TTYH2: variants seen among roughly 807,000 people sequenced by gnomAD.
TTYH2 encodes protein tweety homolog 2.
Under a neutral mutation model 68.3 loss-of-function variants are expected in TTYH2, and 49 were observed. The ratio of observed to expected loss-of-function variants is 0.72; its 90% CI spans 0.57 to 0.91. The LOEUF is 0.91. Ranked by LOEUF, TTYH2 falls within the 40% of genes least tolerant of loss-of-function variation. TTYH2 has a pLI of 0.00. For missense variants in TTYH2, 631 were observed against 700.4 expected (o/e 0.90, Z 1.12); for synonymous variants, 272 against 300.8 (o/e 0.90, Z 0.99).
intron 2 of TTYH2, among the ~76,000 whole-genome samples, chr17:74,229,031 A>G (rs2050360494): frequency 6.6e-6 from 1 of 152,152 alleles, no homozygotes; most frequent in African/African-American, 2.4e-5. Context: ...TAGAAGACAA[A>G]TGAAGATCCA....
rs1280553458 is a variant in TTYH2, at chr17:74,217,050, C to T, written c.129+3334C>T. On this transcript the variant is annotated intron_variant, in intron 1 of 13. Coordinates refer to ENST00000269346, the MANE Select transcript of TTYH2 (RefSeq NM_032646.6). This position sits in a 1 kb window ranked among gnomAD's most constrained non-coding sequence, Gnocchi z 4.0. ...CCTGGCACTGAATCCAGCAATGTCT[C>T]TCTGAGCAAATGAACGAGGCACTTC... 4.6e-5 allele frequency among the ~76,000 whole-genome samples: 7 copies of T among 152,244 alleles called. No homozygotes were observed. The highest frequency in any genetic ancestry group is 1.0e-4 in the Non-Finnish European group (7 of 68,052).
intron 6 of TTYH2, among the ~76,000 whole-genome samples, chr17:74,244,884 T>TTTG (rs2050540932): frequency 8.3e-6 from 1 of 120,962 alleles, no homozygotes; most frequent in Non-Finnish European, 1.7e-5. Flanking sequence ...GTGTGTGTGT[T>TTTG]TGTGTGTGTG....
intron 2 of TTYH2, among the ~76,000 whole-genome samples, chr17:74,230,268 T>A (rs576755941): frequency 2.6e-5 from 4 of 151,836 alleles, no homozygotes; most frequent in South Asian, 2.1e-4. Flanking sequence ...TTTTTTTTTT[T>A]AATTTTTGCA....
chr17:74,240,471 G>A (rs2050487986), intron 4 of TTYH2, among the ~76,000 whole-genome samples: 1 of 151,404 alleles, frequency 6.6e-6, no homozygotes, highest in African/African-American at 2.4e-5. Flanking sequence ...TCTAGTCCAA[G>A]GTTGGCACCT....
chr17:74,219,860 G>C (rs1382700967), intron 1 of TTYH2, among the ~76,000 whole-genome samples: 1 of 152,138 alleles, frequency 6.6e-6, no homozygotes, highest in East Asian at 1.9e-4. Context: ...ACTGCTGTGT[G>C]AAGCTGCTGT....
At chr17:74,254,983 C>T (rs773303405) in intron 13 of TTYH2, among the ~76,000 whole-genome samples, 1 of 152,144 alleles carries the variant, frequency 6.6e-6, no homozygotes, top group East Asian at 1.9e-4. Context: ...CACCCCACCA[C>T]CTCCAGCCAG....
chr17:74,260,716 C>G lies in TTYH2; in HGVS notation c.*507C>G, dbSNP rs534688144. 1 of 164,120 alleles carries G rather than the reference C, an allele frequency of 6.1e-6. No individual in the cohort carries two copies. The highest frequency in any genetic ancestry group is 5.7e-5 in the Admixed American group (1 of 17,574). The allele number at this position is 164,120 out of a possible 1,614,324, so 10.2% of individuals were successfully genotyped here. A position where few individuals can be genotyped will look rare whatever the true frequency, so the allele number is the denominator to read the frequency against. Reference sequence around the variant, plus strand: ...ATCAGGAGATGCTCTTTAAGAAGTTCGCACCCCTGCTGACACCAGAACAGC... The same window carrying G: ...ATCAGGAGATGCTCTTTAAGAAGTTGGCACCCCTGCTGACACCAGAACAGC... On this transcript the variant is annotated 3_prime_UTR_variant, in exon 14 of 14. Coordinates refer to ENST00000269346, the MANE Select transcript of TTYH2 (RefSeq NM_032646.6).
rs913595502 is a variant in TTYH2, at chr17:74,232,755, C to T, written c.414+1756C>T. On this transcript the variant is annotated intron_variant, in intron 3 of 13. Coordinates refer to ENST00000269346, the MANE Select transcript of TTYH2 (RefSeq NM_032646.6). This position sits in a 1 kb window ranked among gnomAD's most constrained non-coding sequence, Gnocchi z 5.1. ...ATCCCCTGCCCTGCCCAGGAAGGCA[C>T]CAGGGCCATGACCTTCACGGGTTTA... is the stretch of plus-strand genomic sequence containing the variant. Among the ~76,000 whole-genome samples, 1 of 152,194 alleles carries T rather than the reference C, an allele frequency of 6.6e-6. No individual in the cohort carries two copies. Among genetic ancestry groups the T allele is most frequent in the Non-Finnish European group, 1.5e-5 (1 of 68,030 alleles).
rs2050467573 is a variant in TTYH2 at position 74,238,557 on chromosome 17, T to C, written c.635+1043T>C. Among the ~76,000 whole-genome samples, 4 of 151,678 alleles carry C rather than the reference T, an allele frequency of 2.6e-5. 1 individual carries two copies. In the South Asian group the frequency reaches 8.5e-4, roughly 32 times the overall value. ...GGGACTACAGGCATACAACCACACC[T>C]GGCTAGTTTAAAAAAATTTTTTTTT... On this transcript the variant is annotated intron_variant, in intron 4 of 13. Coordinates refer to ENST00000269346, the MANE Select transcript of TTYH2 (RefSeq NM_032646.6).
intron 12 of TTYH2, 110 bp from the exon 13 acceptor site, chr17:74,253,645 G>T: frequency 9.4e-7 from 1 of 1,061,456 alleles, no homozygotes. Context: ...CTGTGGTTTG[G>T]TTCCATCCCC....
rs1398451646 is a variant in TTYH2 at position 74,217,440 on chromosome 17, C to T, written c.129+3724C>T. Among the ~76,000 whole-genome samples the T allele has an allele frequency of 1.3e-5, 2 of 152,194 alleles. No individual in the cohort carries two copies. The highest frequency in any genetic ancestry group is 1.3e-4 in the Admixed American group (2 of 15,278). ...ACAGTTGGGGACTGGACCGGAACTACAGGACTTCCTGCTTCTGACCTGGGG... is the reference window on the plus strand; with the variant it reads ...ACAGTTGGGGACTGGACCGGAACTATAGGACTTCCTGCTTCTGACCTGGGG... On this transcript the variant is annotated intron_variant, in intron 1 of 13. Transcript: ENST00000269346. This position sits in a 1 kb window ranked among gnomAD's most constrained non-coding sequence, Gnocchi z 4.0.
chr17:74,247,829 TTAAG>T (rs1189626638), intron 6 of TTYH2: 2 of 152,266 alleles, frequency 1.3e-5, no homozygotes, highest in Non-Finnish European at 2.9e-5. Context: ...TCCCAGGGTC[TTAAG>T]TGCGTGCGTG....
At position 74,260,183 on chromosome 17, in the gene TTYH2, C is replaced by T. The variant is rs772733745; in HGVS notation, c.1579C>T (p.His527Tyr). 1 of 1,613,990 alleles carries T rather than the reference C, an allele frequency of 6.2e-7. No individual in the cohort carries two copies. Among genetic ancestry groups the T allele is most frequent in the South Asian group, 1.1e-5 (1 of 91,076 alleles). The change falls in exon 14 of 14, where the codon CAC becomes TAC. Residue 527 changes from histidine to tyrosine, a missense_variant. Transcript: ENST00000269346. Reference sequence around the variant, plus strand: ...GTCTGTGGCGGATGAGCACCTGAGGCACTACGGGAATCAGTTTCCAGCCTA... The same window carrying T: ...GTCTGTGGCGGATGAGCACCTGAGGTACTACGGGAATCAGTTTCCAGCCTA... ...YLSVADEHLR[H>Y]YGNQFPA
At chr17:74,244,136 C>T in intron 6 of TTYH2, 87 bp downstream of exon 6, 1 of 1,290,954 alleles carries the variant, frequency 7.7e-7, no homozygotes, top group Non-Finnish European at 1.1e-6. Context: ...AGCTTCCGGT[C>T]CCAGCTCCTA....
In TTYH2 at chr17:74,238,058, A is replaced by C. The variant is rs1301429241; in HGVS notation, c.635+544A>C. Among the ~76,000 whole-genome samples the C allele has an allele frequency of 2.0e-5, 3 of 152,098 alleles. No individual in the cohort carries two copies. The South Asian group carries it at 6.2e-4, about 32-fold the overall frequency. On this transcript the variant is annotated intron_variant, in intron 4 of 13. Transcript: ENST00000269346. ...GCAGCAGAGGCTACAGAGGACAGGG[A>C]TGTGCTCACACTCCCCGCGCCAAAG... is the stretch of plus-strand genomic sequence containing the variant.
At chr17:74,228,216 T>A (rs766995307) in intron 2 of TTYH2, among the ~76,000 whole-genome samples, 10 of 152,076 alleles carry the variant, frequency 6.6e-5, no homozygotes, top group Non-Finnish European at 1.3e-4. Context: ...ACTCCTGACC[T>A]CAGATGATCT....
At chr17:74,230,257 A>AT (rs56348004) in intron 2 of TTYH2, among the ~76,000 whole-genome samples, 5,070 of 149,396 alleles carry the variant, frequency 0.034, 285 homozygotes, top group African/African-American at 0.12. Flanking sequence ...TCATTTTTTC[A>AT]TTTTTTTTTT....
intron 2 of TTYH2, among the ~76,000 whole-genome samples, chr17:74,230,299 T>C (rs2050375015): frequency 1.3e-5 from 2 of 151,878 alleles, no homozygotes. Context: ...CTCACTACGT[T>C]GCGCAGGCTG....
At position 74,214,394 on chromosome 17, in the gene TTYH2, C is replaced by A. The variant is rs778502101; in HGVS notation, c.129+678C>A. On this transcript the variant is annotated intron_variant, in intron 1 of 13. Coordinates refer to ENST00000269346, the MANE Select transcript of TTYH2 (RefSeq NM_032646.6). This position sits in a 1 kb window ranked among gnomAD's most constrained non-coding sequence, Gnocchi z 4.6. ...CATCTCACACTGTTGTCCTGAGGACCCCCTTGCATTGACAGTCAGCTTCTC... is the reference window on the plus strand; with the variant it reads ...CATCTCACACTGTTGTCCTGAGGACACCCTTGCATTGACAGTCAGCTTCTC... 2.6e-5 allele frequency among the ~76,000 whole-genome samples: 4 copies of A among 152,124 alleles called. No homozygotes were observed. Among genetic ancestry groups the A allele is most frequent in the Admixed American group, 6.5e-5 (1 of 15,280 alleles).
Sources: gnomAD v4.1 joint callset for allele counts (sites outside exome capture counted in the v4.1 genomes callset) on GRCh38, gnomAD v4.1.1 for gene constraint, Gnocchi (gnomAD v3.1) non-coding constraint, MANE v1.5 for transcripts, NCBI Gene and HGNC (gene_info 2026-07-23, HGNC 2026-07-21) for gene names.